The following GXYLT1 variants were observed in gnomAD, a reference collection of about 807,000 sequenced individuals.
GXYLT1 encodes the protein glycosyltransferase 8 domain containing 3.
Under a neutral mutation model 54.0 loss-of-function variants are expected in GXYLT1, and 29 were observed. That is an observed-to-expected ratio of 0.54 (90% CI 0.40 to 0.73). GXYLT1 has a LOEUF of 0.73. GXYLT1 is among the 30% of genes least tolerant of loss of function. GXYLT1 has a pLI of 0.00. For synonymous variants in GXYLT1, 176 were observed against 204.1 expected (o/e 0.86, Z 1.17); for missense variants, 490 against 553.4 (o/e 0.89, Z 1.15).
chr12:42,119,179 G>A lies in GXYLT1; in HGVS notation c.315-8C>T, dbSNP rs1318675959. The stretch of plus-strand genomic sequence containing the variant: ...TGTATTTTCAGACTGTACCTAATAG[G>A]AAAGAAAACCACATTTTTCAACAGT... On this transcript the variant is annotated splice_polypyrimidine_tract_variant and splice_region_variant and intron_variant, in intron 2 of 7. Transcript: ENST00000398675. 2 of 1,465,618 alleles carry A rather than the reference G, an allele frequency of 1.4e-6. No homozygotes were observed. Among genetic ancestry groups the A allele is most frequent in the Non-Finnish European group, 1.8e-6 (2 of 1,103,526 alleles). The allele number at this position is 1,465,618 out of a possible 1,614,324, so 90.8% of individuals were successfully genotyped here.
intron 1 of GXYLT1, among the ~76,000 whole-genome samples, chr12:42,134,006 G>A (rs186544325): frequency 2.6e-4 from 40 of 152,070 alleles, no homozygotes; most frequent in African/African-American, 9.6e-4. Flanking sequence ...ACACCAGCCT[G>A]GGCAACATGG....
intron 3 of GXYLT1, among the ~76,000 whole-genome samples, chr12:42,110,127 T>C (rs143815631): frequency 1.6e-3 from 241 of 152,338 alleles, no homozygotes; most frequent in Middle Eastern, 0.014. Flanking sequence ...AGTTAAAAAA[T>C]ATTTGTCCAT....
intron 4 of GXYLT1, among the ~76,000 whole-genome samples, chr12:42,108,568 T>C (rs1379068486): frequency 6.6e-6 from 1 of 152,126 alleles, no homozygotes; most frequent in Non-Finnish European, 1.5e-5. Flanking sequence ...ACTTTTTTTT[T>C]TAACCAATCT....
intron 3 of GXYLT1, among the ~76,000 whole-genome samples, chr12:42,112,469 C>G (rs1191951727): frequency 2.7e-4 from 41 of 152,104 alleles, no homozygotes; most frequent in Admixed American, 2.7e-3. Flanking sequence ...AGCTGAAAAC[C>G]AAGGCATGAG....
In GXYLT1 at chr12:42,087,510, T is replaced by C; in HGVS notation, c.*276A>G. On this transcript the variant is annotated 3_prime_UTR_variant, in exon 8 of 8. Transcript: ENST00000398675. ...TTGAGAGTATGAGTCAACAGAAGTC[T>C]GCAGGTTAAACCCATTCAATAGTAT... is the stretch of plus-strand genomic sequence containing the variant. 1 of 295,956 alleles carries C rather than the reference T, an allele frequency of 3.4e-6. No individual in the cohort carries two copies. The allele number at this position is 295,956 out of a possible 1,614,324, so 18.3% of individuals were successfully genotyped here. A position where few individuals can be genotyped will look rare whatever the true frequency, so the allele number is the denominator to read the frequency against.
intron 2 of GXYLT1, among the ~76,000 whole-genome samples, chr12:42,126,621 G>A (rs373212324): frequency 1.2e-4 from 19 of 152,166 alleles, no homozygotes; most frequent in Middle Eastern, 3.4e-3. Context: ...GGCCGGGGGC[G>A]GTGGCTCATG....
intron 5 of GXYLT1, among the ~76,000 whole-genome samples, chr12:42,102,712 C>G (rs2065397034): frequency 6.6e-6 from 1 of 151,914 alleles, no homozygotes; most frequent in South Asian, 2.1e-4. Context: ...CAGGAAAAGG[C>G]TAAGAAATAC....
In GXYLT1 at chr12:42,114,019, C is replaced by T. The variant is rs150005258; in HGVS notation, c.487-4328G>A. Reference sequence around the variant, plus strand: ...TACATGGAAACTGAACAACCTGCTCCGGAATGACTACTAGGTAAATAATGA... The same window carrying T: ...TACATGGAAACTGAACAACCTGCTCTGGAATGACTACTAGGTAAATAATGA... On this transcript the variant is annotated intron_variant, in intron 3 of 7. Coordinates refer to ENST00000398675, the MANE Select transcript of GXYLT1 (RefSeq NM_173601.2). Among the ~76,000 whole-genome samples, 966 of 152,308 alleles carry T rather than the reference C, an allele frequency of 6.3e-3. 6 individuals are homozygous for T. Among genetic ancestry groups the T allele is most frequent in the Non-Finnish European group, 0.01 (706 of 68,044 alleles).
chr12:42,121,394 G>C (rs1166352291), intron 2 of GXYLT1, among the ~76,000 whole-genome samples: 1 of 152,184 alleles, frequency 6.6e-6, no homozygotes, highest in Non-Finnish European at 1.5e-5. Flanking sequence ...TACTTTGGGA[G>C]GCCAAGTTGA....
chr12:42,103,254 T>C (rs1055977488), intron 5 of GXYLT1, among the ~76,000 whole-genome samples: 19 of 152,150 alleles, frequency 1.2e-4, no homozygotes, highest in African/African-American at 4.6e-4. Flanking sequence ...CCACCACACC[T>C]GGACCTATTT....
At chr12:42,125,977 T>G (rs1295093335) in intron 2 of GXYLT1, among the ~76,000 whole-genome samples, 2 of 151,764 alleles carry the variant, frequency 1.3e-5, no homozygotes, top group Non-Finnish European at 2.9e-5. Flanking sequence ...CAGTGAGCCC[T>G]GGTGGTGCTA....
chr12:42,114,654 A>G lies in GXYLT1; in HGVS notation c.486+4346T>C, dbSNP rs532718025. Among the ~76,000 whole-genome samples the G allele has an allele frequency of 3.8e-3, 580 of 152,282 alleles. 4 individuals are homozygous for G. Among genetic ancestry groups the G allele is most frequent in the African/African-American group, 0.013 (530 of 41,546 alleles). On this transcript the variant is annotated intron_variant, in intron 3 of 7. Coordinates refer to ENST00000398675, the MANE Select transcript of GXYLT1 (RefSeq NM_173601.2). The stretch of plus-strand genomic sequence containing the variant: ...CAATAATCAATAGCTTACCAACCAA[A>G]AAAAGTCCAGGACCAGATGGATTCA...
rs1221325859 is a variant in GXYLT1 at position 42,097,626 on chromosome 12, A to G, written c.989-12T>C. On this transcript the variant is annotated splice_polypyrimidine_tract_variant and intron_variant, in intron 6 of 7. Transcript: ENST00000398675. ...AACAAAAAGGCTTTCTACATAAAGAAAAGACCAAACAATGAAGCAAATACC... is the reference window on the plus strand; with the variant it reads ...AACAAAAAGGCTTTCTACATAAAGAGAAGACCAAACAATGAAGCAAATACC... 1 of 1,599,788 alleles carries G rather than the reference A, an allele frequency of 6.3e-7. No homozygotes were observed. Among genetic ancestry groups the G allele is most frequent in the Non-Finnish European group, 8.5e-7 (1 of 1,175,660 alleles).
At chr12:42,128,175 C>A (rs1478541959) in intron 2 of GXYLT1, among the ~76,000 whole-genome samples, 1 of 152,108 alleles carries the variant, frequency 6.6e-6, no homozygotes, top group Non-Finnish European at 1.5e-5. Flanking sequence ...GGAATAAGTT[C>A]TCAAGATCTA....
At chr12:42,134,690 C>T (rs905443862) in intron 1 of GXYLT1, among the ~76,000 whole-genome samples, 2 of 152,276 alleles carry the variant, frequency 1.3e-5, no homozygotes, top group Admixed American at 6.5e-5. Context: ...CTTCTTTCAC[C>T]GTACCTTTTC....
At position 42,102,949 on chromosome 12, in the gene GXYLT1, T is replaced by A. The variant is rs555015629; in HGVS notation, c.864+2869A>T. Among the ~76,000 whole-genome samples the A allele has an allele frequency of 8.1e-4, 123 of 152,058 alleles. 1 individual carries two copies. The East Asian group carries it at 0.019, about 23-fold the overall frequency. ...TTAAATTATTTGAATTTAAATTTTT[T>A]AATTTTTTTTTTCTTTTGAGACAGA... is the stretch of plus-strand genomic sequence containing the variant. On this transcript the variant is annotated intron_variant, in intron 5 of 7. Transcript: ENST00000398675.
At position 42,116,605 on chromosome 12, in the gene GXYLT1, A is replaced by G. The variant is rs373107183; in HGVS notation, c.486+2395T>C. On this transcript the variant is annotated intron_variant, in intron 3 of 7. Transcript: ENST00000398675. ...ACCATCTCACACCAGTTAGAATGGC[A>G]ATCATTAAAAAGTCAGGAAACAGCA... Among the ~76,000 whole-genome samples, 28 of 152,300 alleles carry G rather than the reference A, an allele frequency of 1.8e-4. No individual in the cohort carries two copies. The East Asian group carries it at 5.2e-3, about 28-fold the overall frequency.
At chr12:42,120,930 C>T (rs1176301332) in intron 2 of GXYLT1, among the ~76,000 whole-genome samples, 2 of 152,130 alleles carry the variant, frequency 1.3e-5, no homozygotes, top group East Asian at 1.9e-4. Flanking sequence ...CTGTCCTTTG[C>T]CCTCTTTTGT....
At chr12:42,102,899 T>G (rs1393159827) in intron 5 of GXYLT1, among the ~76,000 whole-genome samples, 1 of 151,938 alleles carries the variant, frequency 6.6e-6, no homozygotes, top group Non-Finnish European at 1.5e-5. Flanking sequence ...AATATTTAAT[T>G]TAATTTAATA....
Sources: gnomAD v4.1 joint callset for allele counts (sites outside exome capture counted in the v4.1 genomes callset) on GRCh38, gnomAD v4.1.1 for gene constraint, MANE v1.5 for transcripts, NCBI Gene and HGNC (gene_info 2026-07-23, HGNC 2026-07-21) for gene names.